Variants in PRICKLE1 observed in about 807,000 individuals in gnomAD.
The protein encoded by PRICKLE1 is prickle-like protein 1.
In PRICKLE1, 14 loss-of-function variants were observed where a neutral mutation model predicts 70.2. The ratio of observed to expected loss-of-function variants is 0.20; its 90% CI spans 0.13 to 0.31. The LOEUF is 0.31. Ranked by LOEUF, PRICKLE1 falls within the 10% of genes least tolerant of loss-of-function variation. The pLI is 1.00. For missense variants in PRICKLE1, 821 were observed against 1,026.2 expected, an observed-to-expected ratio of 0.80 and a Z score of 2.73; for synonymous variants, 357 against 379.9, an observed-to-expected ratio of 0.94 and a Z score of 0.70.
At chr12:42,471,751 G>C (rs553857218) in intron 2 of PRICKLE1, among the ~76,000 whole-genome samples, 10 of 152,266 alleles carry the variant, frequency 6.6e-5, no homozygotes, top group African/African-American at 2.2e-4. Flanking sequence ...TTTTCAACAA[G>C]TTAATCATTG....
chr12:42,522,687 C>CATTGCATCAAAA (rs1939732088), intron 1 of PRICKLE1, among the ~76,000 whole-genome samples: 1 of 152,144 alleles, frequency 6.6e-6, no homozygotes, highest in Admixed American at 6.6e-5. Flanking sequence ...ATGAGAAATG[C>CATTGCATCAAAA]ACCATTGCAT....
intron 1 of PRICKLE1, among the ~76,000 whole-genome samples, chr12:42,579,723 G>A (rs1415882634): frequency 6.6e-6 from 1 of 152,100 alleles, no homozygotes; most frequent in African/African-American, 2.4e-5. Context: ...CCAGGTTTCA[G>A]AATAGTGAGT....
chr12:42,530,426 C>T (rs1326288021), intron 1 of PRICKLE1, among the ~76,000 whole-genome samples: 2 of 152,072 alleles, frequency 1.3e-5, no homozygotes, highest in African/African-American at 2.4e-5. Context: ...ACTGTTCAGT[C>T]CACTAAATCC....
intron 1 of PRICKLE1, among the ~76,000 whole-genome samples, chr12:42,560,116 A>ATTG (rs1419130815): frequency 1.3e-5 from 1 of 78,112 alleles, no homozygotes; most frequent in Non-Finnish European, 2.2e-5. Flanking sequence ...TATTATTATT[A>ATTG]TTATTATTAT....
In PRICKLE1 at chr12:42,476,047, G is replaced by A. The variant is rs188482046; in HGVS notation, c.-48-3483C>T. On this transcript the variant is annotated intron_variant, in intron 1 of 7. Coordinates refer to ENST00000345127, the MANE Select transcript of PRICKLE1 (RefSeq NM_153026.3). ...CCGGAAGTTGCAGTGAGCCAAGATCGCACCATTGCACTCCAGCCTGGGTGA... is the reference window on the plus strand; with the variant it reads ...CCGGAAGTTGCAGTGAGCCAAGATCACACCATTGCACTCCAGCCTGGGTGA... Among the ~76,000 whole-genome samples the A allele has an allele frequency of 5.1e-5, 7 of 138,452 alleles. No individual in the cohort carries two copies. The East Asian group carries it at 6.6e-4, about 13-fold the overall frequency. 90.8% of individuals were successfully genotyped at this position (138,452 alleles called of 152,430 possible). A position where few individuals can be genotyped will look rare whatever the true frequency, so the allele number is the denominator to read the frequency against.
chr12:42,491,467 C>G (rs190179444), intron 1 of PRICKLE1, among the ~76,000 whole-genome samples: 1,526 of 151,812 alleles, frequency 0.01, 25 homozygotes, highest in African/African-American at 0.035. Flanking sequence ...CCAGGAGAAT[C>G]GCTTGAACCT....
intron 1 of PRICKLE1, among the ~76,000 whole-genome samples, chr12:42,552,298 G>A (rs984735665): frequency 3.9e-5 from 6 of 152,022 alleles, no homozygotes; most frequent in Non-Finnish European, 7.4e-5. Context: ...GAACTCCCGG[G>A]CTCAAGCAAT....
At chr12:42,545,322 A>G (rs1940188836) in intron 1 of PRICKLE1, among the ~76,000 whole-genome samples, 1 of 152,136 alleles carries the variant, frequency 6.6e-6, no homozygotes, top group African/African-American at 2.4e-5. Flanking sequence ...GAATTTTAAC[A>G]GCACCTAGCA....
intron 1 of PRICKLE1, among the ~76,000 whole-genome samples, chr12:42,566,379 G>A (rs528183621): frequency 3.3e-5 from 5 of 152,162 alleles, no homozygotes; most frequent in African/African-American, 7.2e-5. Context: ...GGATACACAC[G>A]GTGGAGAGGG....
chr12:42,563,702 CA>C (rs11367725), intron 1 of PRICKLE1, among the ~76,000 whole-genome samples: 4,244 of 46,442 alleles, frequency 0.091, 22 homozygotes, highest in African/African-American at 0.15. Context: ...GACTCTGTCT[CA>C]AAAAAAAAAA....
intron 1 of PRICKLE1, among the ~76,000 whole-genome samples, chr12:42,479,139 A>G (rs1350935669): frequency 6.6e-6 from 1 of 152,248 alleles, no homozygotes; most frequent in African/African-American, 2.4e-5. Flanking sequence ...TAAAGCTCCT[A>G]TTGCAACGTA....
intron 2 of PRICKLE1, among the ~76,000 whole-genome samples, chr12:42,471,144 T>A (rs773604629): frequency 1.3e-5 from 2 of 152,224 alleles, no homozygotes; most frequent in Non-Finnish European, 2.9e-5. Context: ...CTCTCAAACA[T>A]CAGCTTTCTT....
At chr12:42,532,588 T>C (rs1261301398) in intron 1 of PRICKLE1, among the ~76,000 whole-genome samples, 1 of 152,240 alleles carries the variant, frequency 6.6e-6, no homozygotes, top group East Asian at 1.9e-4. Context: ...TGAGATATTT[T>C]ACTTTTTAAA....
intron 3 of PRICKLE1, chr12:42,469,827 A>G: frequency 1.9e-6 from 1 of 529,128 alleles, no homozygotes; most frequent in Non-Finnish European, 3.2e-6. Flanking sequence ...AACCCTTATC[A>G]ACACAGAATT....
intron 1 of PRICKLE1, among the ~76,000 whole-genome samples, chr12:42,506,626 A>T (rs1320769728): frequency 2.5e-5 from 3 of 117,716 alleles, no homozygotes; most frequent in Non-Finnish European, 4.8e-5. Context: ...CCCAGGCTGG[A>T]GTGCAGTGGC....
intron 1 of PRICKLE1, among the ~76,000 whole-genome samples, chr12:42,545,677 T>C (rs562622527): frequency 6.6e-6 from 1 of 152,022 alleles, no homozygotes; most frequent in African/African-American, 2.4e-5. Context: ...GGTGAAACTC[T>C]ATCTCTACTA....
intron 4 of PRICKLE1, among the ~76,000 whole-genome samples, 155 bp from the exon 5 acceptor site, chr12:42,468,984 G>A (rs2140115050): frequency 6.6e-6 from 1 of 152,264 alleles, no homozygotes; most frequent in Admixed American, 6.5e-5. Context: ...CTGGATTACT[G>A]GTGATTCTCC....
At chr12:42,486,716 TC>T (rs1938997049) in intron 1 of PRICKLE1, among the ~76,000 whole-genome samples, 1 of 152,246 alleles carries the variant, frequency 6.6e-6, no homozygotes, top group South Asian at 2.1e-4. Flanking sequence ...CTTCATTTTT[TC>T]CCTTCTAAAA....
intron 1 of PRICKLE1, among the ~76,000 whole-genome samples, chr12:42,561,536 C>T (rs1327013622): frequency 1.3e-5 from 2 of 152,092 alleles, no homozygotes; most frequent in Non-Finnish European, 2.9e-5. Flanking sequence ...TTATTCTGTC[C>T]AAGAATGTAT....
Sources: gnomAD v4.1 joint callset for allele counts (sites outside exome capture counted in the v4.1 genomes callset) on GRCh38, gnomAD v4.1.1 for gene constraint, MANE v1.5 for transcripts, NCBI Gene and HGNC (gene_info 2026-07-23, HGNC 2026-07-21) for gene names.